PTPRS: variants seen among roughly 807,000 people sequenced by gnomAD.
The protein encoded by PTPRS is receptor-type tyrosine-protein phosphatase S.
Under a neutral mutation model 215.3 loss-of-function variants are expected in PTPRS, and 63 were observed. That is an observed-to-expected ratio of 0.29 (90% confidence interval 0.24 to 0.36). PTPRS has a LOEUF of 0.36. Ranked by LOEUF, PTPRS falls within the 10% of genes least tolerant of loss-of-function variation. The probability of loss-of-function intolerance (pLI) is 1.00; values close to 1 mark genes in which losing one functional copy is unlikely to be tolerated. For missense variants in PTPRS, 2,258 were observed against 2,825.8 expected (o/e 0.80, Z 4.56); for synonymous variants, 1,404 against 1,191.4 (o/e 1.18, Z -3.68).
Position 5,214,632 on chromosome 19 carries a change from A to G in PTPRS, c.4423T>C (p.Phe1475Leu). ...QGPLPETFGDFWRMVWEQRSA... is the reference protein window; with the variant it reads ...QGPLPETFGDLWRMVWEQRSA... Reference sequence around the variant, plus strand: ...CGCTGCTCCCACACCATACGCCAGAAGTCCCCAAAGGTCTCAGGCAGCGGC... The same window carrying G: ...CGCTGCTCCCACACCATACGCCAGAGGTCCCCAAAGGTCTCAGGCAGCGGC... Residue 1475 changes from phenylalanine (F) to leucine (L), a missense_variant, in exon 29 of 38, where the codon TTC becomes CTC. Transcript: ENST00000262963. 6.2e-7 allele frequency: 1 copy of G among 1,613,366 alleles called. No homozygotes were observed. The highest frequency in any genetic ancestry group is 8.5e-7 in the Non-Finnish European group (1 of 1,179,970).
intron 4 of PTPRS, among the ~76,000 whole-genome samples, chr19:5,266,233 T>C (rs1352058255): frequency 1.3e-5 from 2 of 151,504 alleles, no homozygotes; most frequent in Non-Finnish European, 2.9e-5. Flanking sequence ...CACTCTAGCC[T>C]GGGCGACAGA....
intron 20 of PTPRS, among the ~76,000 whole-genome samples, chr19:5,220,718 G>A (rs539172300): frequency 1.1e-4 from 16 of 152,250 alleles, no homozygotes; most frequent in Non-Finnish European, 1.5e-4. Context: ...CCCACTAGTT[G>A]GGAAGCCCAG....
At chr19:5,335,253 G>A (rs907954494) in intron 1 of PTPRS, among the ~76,000 whole-genome samples, 19 of 152,240 alleles carry the variant, frequency 1.2e-4, no homozygotes, top group African/African-American at 4.6e-4. Context: ...CGGACGCGTT[G>A]AGAGCCAGGG....
intron 16 of PTPRS, among the ~76,000 whole-genome samples, chr19:5,228,345 G>GGAAAAAAAAAA (rs1555757550): frequency 9.0e-5 from 3 of 33,266 alleles, no homozygotes; most frequent in African/African-American, 1.9e-4. Flanking sequence ...ACTCCGTCTG[G>GGAAAAAAAAAA]AGAAAAAAAA....
intron 16 of PTPRS, among the ~76,000 whole-genome samples, chr19:5,227,163 T>C (rs997945723): frequency 2.1e-4 from 32 of 151,914 alleles, no homozygotes; most frequent in Admixed American, 2.1e-3. Context: ...CCTCCCGCCT[T>C]AGCCTCCCAA....
rs1018220298 is a variant in PTPRS, at chr19:5,237,570, G to C, written c.1849+1349C>G. Among the ~76,000 whole-genome samples, 2 of 152,246 alleles carry C rather than the reference G, an allele frequency of 1.3e-5. No homozygotes were observed. Among genetic ancestry groups the C allele is most frequent in the Non-Finnish European group, 2.9e-5 (2 of 68,046 alleles). Reference sequence around the variant, plus strand: ...TGGCATGGTGGTGGCACGTGGTTTGGGAGAGTTTCTGGGGCCGAATTCGGG... The same window carrying C: ...TGGCATGGTGGTGGCACGTGGTTTGCGAGAGTTTCTGGGGCCGAATTCGGG... On this transcript the variant is annotated intron_variant, in intron 13 of 37. Transcript: ENST00000262963. The surrounding 1 kb of genome is among the most constrained non-coding windows in gnomAD (Gnocchi z 4.2).
intron 31 of PTPRS, 39 bp downstream of exon 31, chr19:5,212,297 AC>A: frequency 6.2e-7 from 1 of 1,609,486 alleles, no homozygotes. Flanking sequence ...GGCTGCGGGG[AC>A]CGGGGGGAAG....
In PTPRS at chr19:5,240,345, AG is replaced by A; in HGVS notation, c.1571-14del. ...GGCTGGCCCGGCACTGTGGGGGTGC[AG>A]GGAGACAACTAGGAGTCGGGGAGCG... On this transcript the variant is annotated splice_polypyrimidine_tract_variant and intron_variant, in intron 11 of 37. Coordinates refer to ENST00000262963, the MANE Select transcript of PTPRS (RefSeq NM_002850.4). 6.3e-7 allele frequency: 1 copy of A among 1,577,992 alleles called. No homozygotes were observed.
intron 19 of PTPRS, 103 bp downstream of exon 19, chr19:5,222,020 C>T (rs1738632068): frequency 1.1e-6 from 1 of 927,732 alleles, no homozygotes; most frequent in East Asian, 2.4e-5. Flanking sequence ...TGACTGAGCC[C>T]TGATCCCTCA....
intron 17 of PTPRS, among the ~76,000 whole-genome samples, chr19:5,224,838 G>C (rs1195841432): frequency 1.3e-5 from 2 of 152,140 alleles, no homozygotes; most frequent in Non-Finnish European, 2.9e-5. Context: ...GTGTGGACAA[G>C]GGCAGGGGCT....
rs2049113485 is a variant in PTPRS at position 5,295,652 on chromosome 19, T to C, written c.-94-9418A>G. Among the ~76,000 whole-genome samples, 1 of 152,192 alleles carries C rather than the reference T, an allele frequency of 6.6e-6. No homozygotes were observed. The highest frequency in any genetic ancestry group is 6.5e-5 in the Admixed American group (1 of 15,274). ...AGGTTCTCAGCAAACATTTGCACAATCAGGCCCAGCCTCACCCAGGAGAGC... is the reference window on the plus strand; with the variant it reads ...AGGTTCTCAGCAAACATTTGCACAACCAGGCCCAGCCTCACCCAGGAGAGC... On this transcript the variant is annotated intron_variant, in intron 1 of 37. Transcript: ENST00000262963. This position sits in a 1 kb window ranked among gnomAD's most constrained non-coding sequence, Gnocchi z 4.6.
chr19:5,210,772 C>A lies in PTPRS; in HGVS notation c.5268G>T (p.Pro1756=). The stretch of plus-strand genomic sequence containing the variant: ...AGAAGTCTTCCGTGGTCTCCGCCAG[C>A]GGCCCCTGTGTCGCGATGTAGGCCT... ...QQKAYIATQG[P]LAETTEDFWR... The change falls in exon 34 of 38, where the codon CCG becomes CCT. Residue 1756 remains proline (P), a synonymous_variant. Transcript: ENST00000262963. This position sits in a 1 kb window ranked among gnomAD's most constrained non-coding sequence, Gnocchi z 4.5. The A allele has an allele frequency of 6.2e-7, 1 of 1,614,060 alleles. No homozygotes were observed. Among genetic ancestry groups the A allele is most frequent in the Non-Finnish European group, 8.5e-7 (1 of 1,180,038 alleles).
At chr19:5,233,838 C>T (rs1303577581) in intron 13 of PTPRS, among the ~76,000 whole-genome samples, 1 of 145,156 alleles carries the variant, frequency 6.9e-6, no homozygotes, top group Non-Finnish European at 1.5e-5. Context: ...CCCAGCTACT[C>T]GGGAGGCTGA....
intron 9 of PTPRS, among the ~76,000 whole-genome samples, chr19:5,254,609 G>C (rs1474692959): frequency 6.6e-6 from 1 of 152,150 alleles, no homozygotes; most frequent in Non-Finnish European, 1.5e-5. Flanking sequence ...GCAGGGGAGA[G>C]GCTGTGTCCA....
chr19:5,283,500 C>T (rs2048052005), intron 2 of PTPRS, among the ~76,000 whole-genome samples: 1 of 152,064 alleles, frequency 6.6e-6, no homozygotes. Flanking sequence ...TCACTTGGAC[C>T]TGGGAGGTGG....
At chr19:5,281,619 G>A (rs1258425318) in intron 2 of PTPRS, among the ~76,000 whole-genome samples, 1 of 152,156 alleles carries the variant, frequency 6.6e-6, no homozygotes, top group African/African-American at 2.4e-5. Flanking sequence ...ATTGAGGCTG[G>A]GGCTGCCCCC....
chr19:5,301,844 A>C (rs2049314266), intron 1 of PTPRS, among the ~76,000 whole-genome samples: 1 of 151,868 alleles, frequency 6.6e-6, no homozygotes, highest in Admixed American at 6.6e-5. Flanking sequence ...GTAGCGCGGC[A>C]ATCTCAGCTC....
chr19:5,257,611 C>T lies in PTPRS; in HGVS notation c.706+406G>A, dbSNP rs980541542. On this transcript the variant is annotated intron_variant, in intron 8 of 37. Coordinates refer to ENST00000262963, the MANE Select transcript of PTPRS (RefSeq NM_002850.4). The surrounding 1 kb of genome is among the most constrained non-coding windows in gnomAD (Gnocchi z 4.4). ...GGAGAAGCAAAGCCAGCACACAGCACGGGAAGGCACGACACACCACAGAAG... is the reference window on the plus strand; with the variant it reads ...GGAGAAGCAAAGCCAGCACACAGCATGGGAAGGCACGACACACCACAGAAG... Among the ~76,000 whole-genome samples, 2 of 152,002 alleles carry T rather than the reference C, an allele frequency of 1.3e-5. No individual in the cohort carries two copies. The highest frequency in any genetic ancestry group is 6.5e-5 in the Admixed American group (1 of 15,274).
chr19:5,229,525 G>T lies in PTPRS; in HGVS notation c.2315C>A (p.Pro772Gln), dbSNP rs1481847293. Residue 772 changes from proline to glutamine, a missense_variant, in exon 15 of 38, where the codon CCG (proline) becomes CAG (glutamine). Pro to Gln is a moderately conservative substitution (Grantham distance 76). Coordinates refer to ENST00000262963, the MANE Select transcript of PTPRS (RefSeq NM_002850.4). ...RMEGAEARGP[P>Q]RIKDVMLADA... ...GGCCAGCATGACGTCCTTGATGCGC[G>T]GCGGCCCGCGGGCCTCGGCGCCCTC... is the stretch of plus-strand genomic sequence containing the variant. 9.6e-6 allele frequency: 14 copies of T among 1,463,166 alleles called. No homozygotes were observed. The highest frequency in any genetic ancestry group is 1.3e-5 in the Non-Finnish European group (14 of 1,109,514). The allele number at this position is 1,463,166 out of a possible 1,614,324, so 90.6% of individuals were successfully genotyped here. A position where few individuals can be genotyped will look rare whatever the true frequency, so the allele number is the denominator to read the frequency against.
Sources: gnomAD v4.1 joint callset for allele counts (sites outside exome capture counted in the v4.1 genomes callset) on GRCh38, gnomAD v4.1.1 for gene constraint, Gnocchi (gnomAD v3.1) non-coding constraint, MANE v1.5 for transcripts, NCBI Gene and HGNC (gene_info 2026-07-23, HGNC 2026-07-21) for gene names.